ZMAT4: variants seen among roughly 807,000 people sequenced by gnomAD.
ZMAT4 encodes the protein zinc finger matrin-type 4, also known as zinc finger matrin-type protein 4.
ZMAT4 carries 17 observed loss-of-function variants against 28.7 expected under a neutral mutation model. The ratio of observed to expected loss-of-function variants is 0.59; its 90% CI spans 0.41 to 0.89. ZMAT4 has a LOEUF of 0.89. Ranked by LOEUF, ZMAT4 falls within the 40% of genes least tolerant of loss-of-function variation. ZMAT4 has a pLI of 0.00. For missense variants in ZMAT4, 240 were observed against 283.8 expected (o/e 0.85, Z 1.11); for synonymous variants, 117 against 109.2 (o/e 1.07, Z -0.44).
chr8:40,590,399 C>A (rs948400606), intron 5 of ZMAT4, among the ~76,000 whole-genome samples: 2 of 151,382 alleles, frequency 1.3e-5, no homozygotes, highest in African/African-American at 4.9e-5. Flanking sequence ...GGGTCCCTAG[C>A]ATAAGTGTAT....
At chr8:40,759,523 G>A (rs1812841859) in intron 3 of ZMAT4, among the ~76,000 whole-genome samples, 1 of 152,132 alleles carries the variant, frequency 6.6e-6, no homozygotes, top group Non-Finnish European at 1.5e-5. Context: ...GCCATAAGAT[G>A]TTCATCTGCA....
chr8:40,584,794 C>T (rs907893776), intron 5 of ZMAT4, among the ~76,000 whole-genome samples: 4 of 151,984 alleles, frequency 2.6e-5, no homozygotes, highest in Admixed American at 6.6e-5. Flanking sequence ...TCACCATGCC[C>T]GGCTAATTTT....
At chr8:40,817,891 T>C (rs1353014653) in intron 2 of ZMAT4, among the ~76,000 whole-genome samples, 2 of 152,204 alleles carry the variant, frequency 1.3e-5, no homozygotes, top group Non-Finnish European at 2.9e-5. Context: ...CCATTTCCTT[T>C]TACCCACACA....
chr8:40,653,272 A>G (rs1807764683), intron 5 of ZMAT4, among the ~76,000 whole-genome samples: 1 of 152,122 alleles, frequency 6.6e-6, no homozygotes. Flanking sequence ...AGGGATATTT[A>G]TAACTATAAA....
chr8:40,712,719 T>A (rs1810678717), intron 3 of ZMAT4, among the ~76,000 whole-genome samples: 1 of 152,154 alleles, frequency 6.6e-6, no homozygotes, highest in Non-Finnish European at 1.5e-5. Context: ...TCTCCTAATG[T>A]TGGGAAACCA....
At chr8:40,533,837 C>T (rs1016961857) in intron 6 of ZMAT4, among the ~76,000 whole-genome samples, 3 of 152,146 alleles carry the variant, frequency 2.0e-5, no homozygotes, top group African/African-American at 4.8e-5. Context: ...TGCTACCATC[C>T]GGTCATGACC....
At chr8:40,650,912 T>A (rs1324689469) in intron 5 of ZMAT4, among the ~76,000 whole-genome samples, 1 of 151,986 alleles carries the variant, frequency 6.6e-6, no homozygotes, top group African/African-American at 2.4e-5. Flanking sequence ...AATTAGGTAT[T>A]GATGGGACGT....
chr8:40,621,308 C>T (rs2118691660), intron 5 of ZMAT4, among the ~76,000 whole-genome samples: 1 of 152,298 alleles, frequency 6.6e-6, no homozygotes, highest in Admixed American at 6.5e-5. Context: ...TAGGTGAGAC[C>T]AGAACTTAGA....
chr8:40,623,174 G>T lies in ZMAT4; in HGVS notation c.578-41913C>A, dbSNP rs555197513. Among the ~76,000 whole-genome samples, 10 of 152,250 alleles carry T rather than the reference G, an allele frequency of 6.6e-5. No homozygotes were observed. In the South Asian group the frequency reaches 1.2e-3, roughly 19 times the overall value. ...ATGAAGATGGAAAAATGGCAGCGTG[G>T]ATGCTAAGAGGGCAGAGGGAAAGTC... On this transcript the variant is annotated intron_variant, in intron 5 of 6. Transcript: ENST00000297737.
chr8:40,833,241 GAA>G (rs34991782), intron 1 of ZMAT4, among the ~76,000 whole-genome samples: 1 of 151,450 alleles, frequency 6.6e-6, no homozygotes, highest in Non-Finnish European at 1.5e-5. Context: ...ATTTAGAGGG[GAA>G]AAAAAAACAG....
intron 1 of ZMAT4, among the ~76,000 whole-genome samples, chr8:40,891,426 G>A (rs369207561): frequency 6.6e-6 from 1 of 151,922 alleles, no homozygotes; most frequent in East Asian, 2.0e-4. Flanking sequence ...GATGGGCACT[G>A]TGGTCCCTGG....
At chr8:40,826,935 C>T (rs891207151) in intron 1 of ZMAT4, among the ~76,000 whole-genome samples, 7 of 152,136 alleles carry the variant, frequency 4.6e-5, no homozygotes, top group African/African-American at 1.7e-4. Context: ...TCACCTCCTA[C>T]CCGTCAAGCA....
intron 2 of ZMAT4, among the ~76,000 whole-genome samples, chr8:40,768,989 G>C (rs754975060): frequency 4.6e-5 from 7 of 152,206 alleles, no homozygotes; most frequent in Non-Finnish European, 1.0e-4. Context: ...CTTGTTTACA[G>C]GATAGATTGT....
At chr8:40,563,443 A>G in intron 6 of ZMAT4, among the ~76,000 whole-genome samples, 1 of 152,182 alleles carries the variant, frequency 6.6e-6, no homozygotes, top group East Asian at 1.9e-4. Context: ...GACACAGAGT[A>G]AATACACAGA....
chr8:40,648,086 C>T (rs943113490), intron 5 of ZMAT4, among the ~76,000 whole-genome samples: 3 of 152,322 alleles, frequency 2.0e-5, no homozygotes, highest in South Asian at 2.1e-4. Context: ...ATGACTTTGA[C>T]GAGCTGAGAG....
intron 3 of ZMAT4, among the ~76,000 whole-genome samples, chr8:40,727,652 A>T (rs1388947296): frequency 7.2e-5 from 11 of 152,234 alleles, no homozygotes; most frequent in Admixed American, 7.2e-4. Flanking sequence ...CAGAAGAATA[A>T]TTCAAAAGGT....
intron 3 of ZMAT4, among the ~76,000 whole-genome samples, chr8:40,735,387 C>T (rs185195170): frequency 2.4e-3 from 372 of 152,256 alleles, no homozygotes; most frequent in African/African-American, 5.8e-3. Context: ...ATGTTCTATA[C>T]GTTTTGTAAG....
intron 2 of ZMAT4, among the ~76,000 whole-genome samples, chr8:40,809,204 A>G (rs1358411137): frequency 2.0e-5 from 3 of 152,228 alleles, no homozygotes; most frequent in Non-Finnish European, 4.4e-5. Context: ...ATGCAGGAAC[A>G]GAAAACCAAA....
At chr8:40,657,748 C>G (rs1387042793) in intron 5 of ZMAT4, among the ~76,000 whole-genome samples, 1 of 152,112 alleles carries the variant, frequency 6.6e-6, no homozygotes. Flanking sequence ...ACAAAATGAT[C>G]TTCTTCAAGG....
Sources: allele counts gnomAD v4.1 joint callset (sites outside exome capture counted in the v4.1 genomes callset), GRCh38; gene constraint gnomAD v4.1.1; transcripts MANE v1.5; gene names NCBI Gene and HGNC (gene_info 2026-07-23, HGNC 2026-07-21).